The following MARCHF1 variants were observed in gnomAD, a reference collection of about 807,000 sequenced individuals.
The protein encoded by MARCHF1 is membrane associated ring-CH-type finger 1, also known as E3 ubiquitin-protein ligase MARCHF1.
MARCHF1 carries 40 observed loss-of-function variants against 54.2 expected under a neutral mutation model. That is an observed-to-expected ratio of 0.74 (90% CI 0.57 to 0.96). The LOEUF is 0.96. Ranked by LOEUF, MARCHF1 falls within the 40% of genes least tolerant of loss-of-function variation. The pLI, the probability that MARCHF1 is intolerant of heterozygous loss-of-function variation, is 0.00. For missense variants in MARCHF1, 586 were observed against 656.5 expected, an observed-to-expected ratio of 0.89 and a Z score of 1.17; for synonymous variants, 236 against 236.3, an observed-to-expected ratio of 1.00 and a Z score of 0.01.
chr4:164,037,699 C>T lies in MARCHF1; in HGVS notation c.-247-48990G>A, dbSNP rs76229750. ...AATGAGTACAGTATGTAAATGGATA[C>T]TTTACGTTGGAGAAGTCTGACAAAC... On this transcript the variant is annotated intron_variant, in intron 2 of 9. Coordinates refer to ENST00000514618, the MANE Select transcript of MARCHF1 (RefSeq NM_001394959.1). Among the ~76,000 whole-genome samples the T allele has an allele frequency of 9.2e-3, 1,399 of 152,236 alleles. 17 individuals carry two copies. Among genetic ancestry groups the T allele is most frequent in the African/African-American group, 0.031 (1,285 of 41,540 alleles).
chr4:163,944,403 G>A (rs1433420128), intron 3 of MARCHF1, among the ~76,000 whole-genome samples: 1 of 152,156 alleles, frequency 6.6e-6, no homozygotes, highest in Non-Finnish European at 1.5e-5. Flanking sequence ...TTCACCTGAT[G>A]TCACACCTTT....
chr4:164,054,110 C>T (rs1371099621), intron 2 of MARCHF1, among the ~76,000 whole-genome samples: 1 of 151,184 alleles, frequency 6.6e-6, no homozygotes, highest in East Asian at 1.9e-4. Flanking sequence ...AAAAAGTGGG[C>T]AAAGGACATG....
intron 5 of MARCHF1, among the ~76,000 whole-genome samples, chr4:163,617,489 C>T (rs965407728): frequency 6.6e-6 from 1 of 151,874 alleles, no homozygotes; most frequent in Non-Finnish European, 1.5e-5. Flanking sequence ...ACTTGGTATC[C>T]CTAATAATGT....
At chr4:164,149,294 T>G (rs761947729) in intron 1 of MARCHF1, among the ~76,000 whole-genome samples, 17 of 152,188 alleles carry the variant, frequency 1.1e-4, no homozygotes, top group Non-Finnish European at 1.9e-4. Flanking sequence ...CAATGCAAAA[T>G]GGACTAACTC....
intron 3 of MARCHF1, among the ~76,000 whole-genome samples, chr4:163,938,578 T>G (rs1309733847): frequency 6.6e-6 from 1 of 152,180 alleles, no homozygotes; most frequent in Non-Finnish European, 1.5e-5. Context: ...TCTGGGTTGC[T>G]GGGTGAAAAG....
intron 3 of MARCHF1, among the ~76,000 whole-genome samples, chr4:163,857,399 T>C (rs1300710532): frequency 6.6e-6 from 1 of 152,110 alleles, no homozygotes; most frequent in Admixed American, 6.6e-5. Context: ...GGTGTAAGAA[T>C]GTGCTGTCAG....
intron 1 of MARCHF1, among the ~76,000 whole-genome samples, chr4:164,299,634 T>C (rs1734498807): frequency 6.6e-6 from 1 of 152,182 alleles, no homozygotes; most frequent in African/African-American, 2.4e-5. Flanking sequence ...AGTAGAGTTA[T>C]TCCATTTGGT....
At chr4:164,173,912 C>T (rs948808454) in intron 1 of MARCHF1, among the ~76,000 whole-genome samples, 1 of 152,144 alleles carries the variant, frequency 6.6e-6, no homozygotes, top group African/African-American at 2.4e-5. Context: ...CTTTCCTTTC[C>T]GATTCTTAAA....
chr4:163,863,166 A>G (rs1173202259), intron 3 of MARCHF1, among the ~76,000 whole-genome samples: 2 of 152,026 alleles, frequency 1.3e-5, no homozygotes, highest in African/African-American at 4.8e-5. Context: ...ATTAAAAGAC[A>G]TCATTTCGAG....
chr4:163,961,384 C>A (rs1479556767), intron 3 of MARCHF1, among the ~76,000 whole-genome samples: 3 of 151,924 alleles, frequency 2.0e-5, no homozygotes. Context: ...AGTTCTAATG[C>A]TGTCATTGAA....
chr4:163,524,786 C>T lies in MARCHF1; in HGVS notation c.*3962G>A, dbSNP rs997977127. On this transcript the variant is annotated 3_prime_UTR_variant, in exon 10 of 10. Transcript: ENST00000514618. ...TAATTATTTTCTTTTTCTTAATTTGCTTTAGTACACATGATTCACAAAACA... is the reference window on the plus strand; with the variant it reads ...TAATTATTTTCTTTTTCTTAATTTGTTTTAGTACACATGATTCACAAAACA... 3.4e-4 allele frequency: 52 copies of T among 152,242 alleles called. 1 individual carries two copies. Among genetic ancestry groups the T allele is most frequent in the Non-Finnish European group, 1.2e-4 (8 of 68,010 alleles). The allele number at this position is 152,242 out of a possible 1,614,324, so 9.4% of individuals were successfully genotyped here. A position where few individuals can be genotyped will look rare whatever the true frequency, so the allele number is the denominator to read the frequency against.
At chr4:163,739,607 A>G (rs1746140381) in intron 4 of MARCHF1, among the ~76,000 whole-genome samples, 1 of 152,224 alleles carries the variant, frequency 6.6e-6, no homozygotes, top group East Asian at 1.9e-4. Context: ...TTCAGTATTT[A>G]GCAACTAAAA....
intron 3 of MARCHF1, among the ~76,000 whole-genome samples, chr4:163,925,132 C>T (rs1439940933): frequency 6.6e-6 from 1 of 151,784 alleles, no homozygotes; most frequent in Non-Finnish European, 1.5e-5. Context: ...GTGAGGTTGG[C>T]CAAACGCTGG....
intron 9 of MARCHF1, among the ~76,000 whole-genome samples, chr4:163,542,599 AG>A (rs746114232): frequency 6.6e-6 from 1 of 152,132 alleles, no homozygotes; most frequent in Non-Finnish European, 1.5e-5. Context: ...AGCCCTGGGG[AG>A]GGTAAATGCA....
At chr4:163,813,491 A>G (rs1231481648) in intron 4 of MARCHF1, among the ~76,000 whole-genome samples, 2 of 152,188 alleles carry the variant, frequency 1.3e-5, no homozygotes, top group African/African-American at 4.8e-5. Flanking sequence ...GCTATATTAG[A>G]ATATTACACA....
chr4:164,170,576 C>T (rs1730498278), intron 1 of MARCHF1, among the ~76,000 whole-genome samples: 1 of 152,014 alleles, frequency 6.6e-6, no homozygotes, highest in South Asian at 2.1e-4. Context: ...CATTAGCTTA[C>T]TTATGGTTCC....
intron 5 of MARCHF1, among the ~76,000 whole-genome samples, chr4:163,688,075 C>A (rs1351613001): frequency 6.6e-6 from 1 of 152,012 alleles, no homozygotes; most frequent in Non-Finnish European, 1.5e-5. Flanking sequence ...CAGCTGCCAA[C>A]ATTATCCTCA....
chr4:163,531,000 C>T (rs1338744309), intron 9 of MARCHF1, among the ~76,000 whole-genome samples: 3 of 151,824 alleles, frequency 2.0e-5, no homozygotes, highest in African/African-American at 7.3e-5. Flanking sequence ...CAACCATAAC[C>T]TTTCAGAGCA....
chr4:164,022,403 G>A (rs1485915708), intron 2 of MARCHF1, among the ~76,000 whole-genome samples: 4 of 152,190 alleles, frequency 2.6e-5, no homozygotes, highest in Non-Finnish European at 5.9e-5. Context: ...GACAGTCAAT[G>A]GAGAGCTGAC....
Sources: allele counts gnomAD v4.1 joint callset (sites outside exome capture counted in the v4.1 genomes callset), GRCh38; gene constraint gnomAD v4.1.1; transcripts MANE v1.5; gene names NCBI Gene and HGNC (gene_info 2026-07-23, HGNC 2026-07-21).